The following CWC27 variants were observed in gnomAD, a reference collection of about 807,000 sequenced individuals.
CWC27 encodes spliceosome-associated protein CWC27 homolog.
CWC27 carries 47 observed loss-of-function variants against 63.6 expected under a neutral mutation model. The ratio of observed to expected loss-of-function variants is 0.74; its 90% CI spans 0.58 to 0.94. The LOEUF (loss-of-function observed/expected upper bound fraction) is 0.94. Ranked by LOEUF, CWC27 falls within the 40% of genes least tolerant of loss-of-function variation. The pLI, the probability that CWC27 is intolerant of heterozygous loss-of-function variation, is 0.00. For missense variants in CWC27, 495 were observed against 554.3 expected (o/e 0.89, Z 1.07); for synonymous variants, 175 against 179.8 (o/e 0.97, Z 0.22).
intron 10 of CWC27, among the ~76,000 whole-genome samples, chr5:64,877,904 T>G (rs1746834700): frequency 6.6e-6 from 1 of 151,920 alleles, no homozygotes; most frequent in Admixed American, 6.6e-5. Flanking sequence ...GTGTCTAGGA[T>G]GAAGACGTCA....
At chr5:64,962,572 G>GA (rs1264326190) in intron 11 of CWC27, among the ~76,000 whole-genome samples, 2 of 152,168 alleles carry the variant, frequency 1.3e-5, no homozygotes, top group South Asian at 4.1e-4. Flanking sequence ...CTATGTGGCA[G>GA]AAAAAATGAA....
At chr5:64,873,782 T>C (rs1179934428) in intron 10 of CWC27, among the ~76,000 whole-genome samples, 1 of 152,174 alleles carries the variant, frequency 6.6e-6, no homozygotes, top group Admixed American at 6.5e-5. Context: ...GTGTTTTCTC[T>C]ATGTTTTCTT....
intron 11 of CWC27, among the ~76,000 whole-genome samples, chr5:64,896,484 T>A (rs1747378314): frequency 6.6e-6 from 1 of 152,066 alleles, no homozygotes; most frequent in South Asian, 2.1e-4. Flanking sequence ...AGTATATAAC[T>A]TTGGTGAGCA....
chr5:64,804,124 A>C (rs1400220223), intron 9 of CWC27, 105 bp from the exon 10 acceptor site: 9 of 1,023,912 alleles, frequency 8.8e-6, no homozygotes, highest in South Asian at 4.8e-5. Flanking sequence ...TAAAAAAAAA[A>C]ACCTAGTTTA....
At position 64,811,001 on chromosome 5, in the gene CWC27, G is replaced by A. The variant is rs149383405; in HGVS notation, c.938+6615G>A. Reference sequence around the variant, plus strand: ...TCTAATGTTTTTTTAAAATGTGGCTGATAAGGAATAAAATCAGTATCTCTC... The same window carrying A: ...TCTAATGTTTTTTTAAAATGTGGCTAATAAGGAATAAAATCAGTATCTCTC... On this transcript the variant is annotated intron_variant, in intron 10 of 13. Coordinates refer to ENST00000381070, the MANE Select transcript of CWC27 (RefSeq NM_005869.4). Among the ~76,000 whole-genome samples the A allele has an allele frequency of 3.8e-3, 584 of 152,116 alleles. 8 individuals carry two copies. Among genetic ancestry groups the A allele is most frequent in the South Asian group, 0.017 (84 of 4,810 alleles).
rs549552974 is a variant in CWC27, at chr5:64,811,366, A to C, written c.938+6980A>C. On this transcript the variant is annotated intron_variant, in intron 10 of 13. Transcript: ENST00000381070. ...GTAATAAGTGGACCAGATAGTAAAA[A>C]ATCAGTGGTTTGTTAGGATGATTAC... Among the ~76,000 whole-genome samples the C allele has an allele frequency of 9.2e-5, 14 of 152,170 alleles. No homozygotes were observed. The South Asian group carries it at 2.9e-3, about 32-fold the overall frequency.
chr5:64,857,210 A>G (rs962126054), intron 10 of CWC27, among the ~76,000 whole-genome samples: 2 of 152,222 alleles, frequency 1.3e-5, no homozygotes, highest in African/African-American at 2.4e-5. Flanking sequence ...ACTGCCTAAT[A>G]AAGACCCTAC....
chr5:64,943,585 T>C (rs1748532743), intron 11 of CWC27, among the ~76,000 whole-genome samples: 1 of 152,214 alleles, frequency 6.6e-6, no homozygotes, highest in African/African-American at 2.4e-5. Flanking sequence ...ATTCAATGTC[T>C]ACTATGTGCC....
chr5:64,868,038 G>A (rs569730316), intron 10 of CWC27, among the ~76,000 whole-genome samples: 22 of 151,588 alleles, frequency 1.5e-4, no homozygotes, highest in Admixed American at 2.6e-4. Flanking sequence ...CAATAGTATT[G>A]TGCTGCAGAT....
chr5:64,918,167 G>A (rs1390476627), intron 11 of CWC27, among the ~76,000 whole-genome samples: 1 of 152,054 alleles, frequency 6.6e-6, no homozygotes, highest in East Asian at 1.9e-4. Flanking sequence ...TAATAATTTA[G>A]ATCCAAGATG....
chr5:64,860,133 A>G (rs1380312218), intron 10 of CWC27, among the ~76,000 whole-genome samples: 2 of 152,176 alleles, frequency 1.3e-5, no homozygotes, highest in South Asian at 2.1e-4. Flanking sequence ...TCAGATAACC[A>G]TGCATTTAAC....
At chr5:64,840,392 A>C (rs866340907) in intron 10 of CWC27, among the ~76,000 whole-genome samples, 377 of 21,890 alleles carry the variant, frequency 0.017, 17 homozygotes, top group Non-Finnish European at 0.023. Context: ...AAAAAAAAAA[A>C]AAATATATAT....
chr5:64,789,859 C>T (rs150762492), intron 7 of CWC27, among the ~76,000 whole-genome samples: 193 of 152,232 alleles, frequency 1.3e-3, no homozygotes, highest in African/African-American at 4.4e-3. Context: ...GTAATTAAAA[C>T]TTTATAACCT....
In CWC27 at chr5:64,990,267, T is replaced by G. The variant is rs1227219245; in HGVS notation, c.1256+13029T>G. Reference sequence around the variant, plus strand: ...TTTTTTTTTGTTTTTTTTTTTTTTGTTTTTTTTTTTTTTTTGAGACGGAGT... The same window carrying G: ...TTTTTTTTTGTTTTTTTTTTTTTTGGTTTTTTTTTTTTTTTGAGACGGAGT... On this transcript the variant is annotated intron_variant, in intron 13 of 13. Coordinates refer to ENST00000381070, the MANE Select transcript of CWC27 (RefSeq NM_005869.4). Among the ~76,000 whole-genome samples, 90 of 18,726 alleles carry G rather than the reference T, an allele frequency of 4.8e-3. 14 individuals carry two copies. The highest frequency in any genetic ancestry group is 0.017 in the Admixed American group (18 of 1,078). 12.3% of individuals were successfully genotyped at this position (18,726 alleles called of 152,430 possible).
rs553408371 is a variant in CWC27, at chr5:64,787,027, A to C, written c.599+400A>C. ...GGCAGCAGGGGAGAGAGCGAGTGGG[A>C]AGGAGGAACTGTCAAACACTTATAA... On this transcript the variant is annotated intron_variant, in intron 6 of 13. Transcript: ENST00000381070. 2.9e-3 allele frequency among the ~76,000 whole-genome samples: 440 copies of C among 152,276 alleles called. 1 individual carries two copies. The highest frequency in any genetic ancestry group is 4.6e-3 in the Non-Finnish European group (313 of 68,014).
chr5:64,961,472 C>T (rs906312349), intron 11 of CWC27, among the ~76,000 whole-genome samples: 7 of 151,846 alleles, frequency 4.6e-5, no homozygotes, highest in African/African-American at 1.2e-4. Flanking sequence ...TTTATTTTAA[C>T]GCCATAGCAT....
intron 11 of CWC27, among the ~76,000 whole-genome samples, chr5:64,939,922 G>A (rs1458926901): frequency 3.3e-5 from 5 of 152,194 alleles, no homozygotes; most frequent in Admixed American, 6.5e-5. Flanking sequence ...ACTGTGAGGG[G>A]AAAACCGCCT....
chr5:64,962,102 C>T (rs972086980), intron 11 of CWC27, among the ~76,000 whole-genome samples: 1 of 152,162 alleles, frequency 6.6e-6, no homozygotes, highest in East Asian at 1.9e-4. Flanking sequence ...GCCAGTTTTA[C>T]TTCACTAAAA....
At chr5:64,796,743 TCCTCCCTCCCTCCCTC>T (rs150451609) in intron 7 of CWC27, among the ~76,000 whole-genome samples, 22 of 119,634 alleles carry the variant, frequency 1.8e-4, no homozygotes, top group East Asian at 3.2e-4. Flanking sequence ...TGTCCCTTCC[TCCTCCCTCCCTCCCTC>T]CCTCCCTCCC....
Sources: gnomAD v4.1 joint callset for allele counts (sites outside exome capture counted in the v4.1 genomes callset) on GRCh38, gnomAD v4.1.1 for gene constraint, MANE v1.5 for transcripts, NCBI Gene and HGNC (gene_info 2026-07-23, HGNC 2026-07-21) for gene names.